ADCY2: variants seen among roughly 807,000 people sequenced by gnomAD.
ADCY2 encodes the protein adenylate cyclase 2, also known as adenylate cyclase type 2.
ADCY2 carries 31 observed loss-of-function variants against 125.2 expected under a neutral mutation model. The ratio of observed to expected loss-of-function variants is 0.25; its 90% CI spans 0.19 to 0.33. The LOEUF is 0.33. ADCY2 is among the 10% of genes least tolerant of loss of function. The pLI is 1.00. For missense variants in ADCY2, 904 were observed against 1,418.2 expected (o/e 0.64, Z 5.82); for synonymous variants, 512 against 548.4 (o/e 0.93, Z 0.93).
intron 16 of ADCY2, among the ~76,000 whole-genome samples, chr5:7,758,462 C>T (rs1018085182): frequency 1.3e-5 from 2 of 152,214 alleles, no homozygotes; most frequent in African/African-American, 4.8e-5. Flanking sequence ...CCTTGCCTTC[C>T]AGGGACCCAA....
chr5:7,612,989 C>T (rs1364702767), intron 3 of ADCY2, among the ~76,000 whole-genome samples: 1 of 152,076 alleles, frequency 6.6e-6, no homozygotes, highest in African/African-American at 2.4e-5. Flanking sequence ...GCACTCCAGT[C>T]CTCCAGCCCT....
At chr5:7,590,354 G>A (rs746036092) in intron 3 of ADCY2, among the ~76,000 whole-genome samples, 2 of 152,138 alleles carry the variant, frequency 1.3e-5, no homozygotes, top group Non-Finnish European at 1.5e-5. Flanking sequence ...ATGTAACAGA[G>A]AACAGAATAA....
chr5:7,700,682 A>G (rs1292451930), intron 7 of ADCY2, among the ~76,000 whole-genome samples: 8 of 142,974 alleles, frequency 5.6e-5, no homozygotes, highest in Middle Eastern at 3.3e-3. Context: ...TGGTCCTGGG[A>G]AGATTAATGC....
chr5:7,402,948 T>C (rs1739320929), intron 1 of ADCY2, among the ~76,000 whole-genome samples: 1 of 152,156 alleles, frequency 6.6e-6, no homozygotes, highest in Non-Finnish European at 1.5e-5. Context: ...ACTATTGTAA[T>C]GGGAGCCCTG....
chr5:7,703,952 A>C (rs1267518350), intron 7 of ADCY2, among the ~76,000 whole-genome samples: 1 of 150,934 alleles, frequency 6.6e-6, no homozygotes, highest in African/African-American at 2.5e-5. Flanking sequence ...CAGTGAGACA[A>C]GATCACACCA....
At chr5:7,786,230 T>C (rs182618881) in intron 19 of ADCY2, among the ~76,000 whole-genome samples, 13 of 152,328 alleles carry the variant, frequency 8.5e-5, no homozygotes, top group Non-Finnish European at 1.8e-4. Flanking sequence ...TCCAAAATCA[T>C]TGAGTGAATG....
In ADCY2 at chr5:7,461,148, C is replaced by T. The variant is rs1186416682; in HGVS notation, c.408+46378C>T. Among the ~76,000 whole-genome samples the T allele has an allele frequency of 2.6e-5, 4 of 152,106 alleles. No individual in the cohort carries two copies. The East Asian group carries it at 5.8e-4, about 22-fold the overall frequency. On this transcript the variant is annotated intron_variant, in intron 2 of 24. Transcript: ENST00000338316. The stretch of plus-strand genomic sequence containing the variant: ...GCATGATGCCTGGGATGAGGGTTCT[C>T]TCTGTTCTTTTCAAAGAGACTTCCA...
chr5:7,751,484 C>G (rs1234147156), intron 15 of ADCY2, among the ~76,000 whole-genome samples: 1 of 152,174 alleles, frequency 6.6e-6, no homozygotes, highest in African/African-American at 2.4e-5. Context: ...CCAGCAGTGT[C>G]ATTCTTGCTT....
At chr5:7,421,087 G>A (rs1330657296) in intron 2 of ADCY2, among the ~76,000 whole-genome samples, 1 of 152,134 alleles carries the variant, frequency 6.6e-6, no homozygotes, top group Non-Finnish European at 1.5e-5. Flanking sequence ...GCGCCCACCA[G>A]TCCCACCGGA....
chr5:7,736,725 A>T (rs925149218), intron 14 of ADCY2, among the ~76,000 whole-genome samples: 5 of 152,196 alleles, frequency 3.3e-5, no homozygotes, highest in Admixed American at 3.3e-4. Context: ...TTATTCAAAA[A>T]AAAAGAAACA....
chr5:7,436,177 T>A (rs894888905), intron 2 of ADCY2, among the ~76,000 whole-genome samples: 1 of 152,196 alleles, frequency 6.6e-6, no homozygotes, highest in Admixed American at 6.5e-5. Flanking sequence ...CATTGATTTG[T>A]TGACGAAAAT....
chr5:7,398,686 C>G (rs1433008109), intron 1 of ADCY2, among the ~76,000 whole-genome samples: 1 of 152,172 alleles, frequency 6.6e-6, no homozygotes, highest in African/African-American at 2.4e-5. Flanking sequence ...CAGAAATGTT[C>G]CAGAATCAGG....
rs560604403 is a variant in ADCY2, at chr5:7,527,482, G to T, written c.570+6583G>T. 5.3e-5 allele frequency among the ~76,000 whole-genome samples: 8 copies of T among 152,156 alleles called. No individual in the cohort carries two copies. In the East Asian group the frequency reaches 9.7e-4, roughly 18 times the overall value. On this transcript the variant is annotated intron_variant, in intron 3 of 24. Transcript: ENST00000338316. Reference sequence around the variant, plus strand: ...TTTATTTCCTTGGTATTCATAGCACGTTCTGAATTTTCGTTTCATATATCT... The same window carrying T: ...TTTATTTCCTTGGTATTCATAGCACTTTCTGAATTTTCGTTTCATATATCT...
intron 2 of ADCY2, among the ~76,000 whole-genome samples, chr5:7,473,556 G>A (rs1742416767): frequency 6.6e-6 from 1 of 152,094 alleles, no homozygotes; most frequent in Admixed American, 6.6e-5. Context: ...AATTTGGAGG[G>A]GACAAATATC....
chr5:7,592,184 G>C (rs1436712885), intron 3 of ADCY2, among the ~76,000 whole-genome samples: 1 of 152,172 alleles, frequency 6.6e-6, no homozygotes, highest in East Asian at 1.9e-4. Flanking sequence ...ATATTACAAA[G>C]AGGGTCGCCT....
intron 4 of ADCY2, among the ~76,000 whole-genome samples, chr5:7,636,746 T>A (rs1365641485): frequency 6.6e-6 from 1 of 152,166 alleles, no homozygotes; most frequent in Non-Finnish European, 1.5e-5. Flanking sequence ...GCCAACATAG[T>A]CACATGCTGT....
chr5:7,614,770 C>T (rs1394859974), intron 3 of ADCY2, among the ~76,000 whole-genome samples: 1 of 152,214 alleles, frequency 6.6e-6, no homozygotes, highest in Admixed American at 6.5e-5. Flanking sequence ...GCTGTAACAG[C>T]CCCTGTGCCA....
chr5:7,590,499 A>G (rs1343064149), intron 3 of ADCY2, among the ~76,000 whole-genome samples: 2 of 152,096 alleles, frequency 1.3e-5, no homozygotes, highest in African/African-American at 4.8e-5. Context: ...CCAAAACCAT[A>G]TTTAAATATC....
At chr5:7,547,647 C>A (rs183719593) in intron 3 of ADCY2, among the ~76,000 whole-genome samples, 4 of 152,250 alleles carry the variant, frequency 2.6e-5, no homozygotes, top group Admixed American at 2.6e-4. Context: ...CCTGGCATAC[C>A]CAGTTCCAAG....
Sources: allele counts gnomAD v4.1 joint callset (sites outside exome capture counted in the v4.1 genomes callset), GRCh38; gene constraint gnomAD v4.1.1; transcripts MANE v1.5; gene names NCBI Gene and HGNC (gene_info 2026-07-23, HGNC 2026-07-21).